The following KLKB1 variants were observed in gnomAD, a reference collection of about 807,000 sequenced individuals.
KLKB1 encodes the protein kallikrein B1.
A neutral mutation model predicts 73.6 loss-of-function variants in KLKB1; 58 were observed. That is an observed-to-expected ratio of 0.79 (90% CI 0.64 to 0.98). KLKB1 has a LOEUF of 0.98. Among genes scored for constraint, KLKB1 ranks in the 50% least tolerant of loss-of-function variants. The pLI is 0.00. For missense variants in KLKB1, 737 were observed against 763.8 expected (o/e 0.96, Z 0.41); for synonymous variants, 280 against 258.1 (o/e 1.08, Z -0.81).
Position 186,251,490 on chromosome 4 carries a change from C to A in KLKB1, c.872C>A (p.Pro291His). The A allele has an allele frequency of 6.2e-7, 1 of 1,613,416 alleles. No individual in the cohort carries two copies. Among genetic ancestry groups the A allele is most frequent in the South Asian group, 1.1e-5 (1 of 91,056 alleles). ...LLTCKRTLPE[P>H]CHSKIYPGVD... ...TTTGTGTTTATAATTGACACAGAAC[C>A]CTGCCATTCTAAAATTTACCCGGGA... is the stretch of plus-strand genomic sequence containing the variant. The change falls in exon 9 of 15, where the codon CCC (proline) becomes CAC (histidine). Residue 291 changes from proline (P) to histidine (H), a missense_variant. Pro to His is a moderately conservative substitution (Grantham distance 77). Coordinates refer to ENST00000264690, the MANE Select transcript of KLKB1 (RefSeq NM_000892.5).
At chr4:186,243,967 G>A (rs574706823) in intron 6 of KLKB1, among the ~76,000 whole-genome samples, 1 of 152,196 alleles carries the variant, frequency 6.6e-6, no homozygotes, top group Non-Finnish European at 1.5e-5. Context: ...TGGAGTGGAT[G>A]TCAGGTGGAT....
intron 2 of KLKB1, among the ~76,000 whole-genome samples, chr4:186,214,495 C>T (rs1371584133): frequency 6.6e-6 from 1 of 152,194 alleles, no homozygotes; most frequent in Non-Finnish European, 1.5e-5. Context: ...TGTATTGGAT[C>T]ATCAGCATAT....
At chr4:186,245,077 C>T (rs1738257939) in intron 6 of KLKB1, among the ~76,000 whole-genome samples, 2 of 152,026 alleles carry the variant, frequency 1.3e-5, no homozygotes, top group Non-Finnish European at 2.9e-5. Context: ...AGTTAAAATG[C>T]CTCGACCTAG....
At chr4:186,227,366 G>A (rs1737203073), upstream of KLKB1, 1 of 152,184 alleles carries the variant, frequency 6.6e-6, no homozygotes, top group Non-Finnish European at 1.5e-5. Context: ...TATTCTTGCT[G>A]ACATCACTCC....
chr4:186,254,141 A>T (rs1397733536), intron 11 of KLKB1, among the ~76,000 whole-genome samples: 1 of 152,178 alleles, frequency 6.6e-6, no homozygotes, highest in Non-Finnish European at 1.5e-5. Context: ...CTGTATAGAG[A>T]TATTTTAAAC....
chr4:186,250,119 A>T, intron 6 of KLKB1, 124 bp from the exon 7 acceptor site: 1 of 1,026,982 alleles, frequency 9.7e-7, no homozygotes, highest in Non-Finnish European at 1.5e-6. Flanking sequence ...ACATTTTTTC[A>T]CTTAGGATGT....
upstream of KLKB1, among the ~76,000 whole-genome samples, chr4:186,224,846 G>A (rs558196788): frequency 1.2e-3 from 178 of 152,322 alleles, 1 homozygote; most frequent in Non-Finnish European, 1.8e-3. Flanking sequence ...GTTTGGCTCT[G>A]TGTCCTCATC....
chr4:186,217,035 T>G (rs971123307), intron 2 of KLKB1, among the ~76,000 whole-genome samples: 9 of 152,232 alleles, frequency 5.9e-5, no homozygotes, highest in African/African-American at 2.2e-4. Context: ...GTGGGAGATT[T>G]GGGAGAATGT....
chr4:186,257,786 A>C (rs966222090), intron 14 of KLKB1, among the ~76,000 whole-genome samples: 1 of 141,114 alleles, frequency 7.1e-6, no homozygotes, highest in Non-Finnish European at 1.5e-5. Context: ...TGTGTCTGGC[A>C]AGCAAGGTCT....
chr4:186,220,363 C>A (rs1348490736), intron 2 of KLKB1, among the ~76,000 whole-genome samples: 1 of 152,194 alleles, frequency 6.6e-6, no homozygotes, highest in Non-Finnish European at 1.5e-5. Flanking sequence ...ACCGTTCTAT[C>A]AATACAGCTG....
At chr4:186,238,054 C>T (rs949165658) in intron 5 of KLKB1, among the ~76,000 whole-genome samples, 1 of 152,146 alleles carries the variant, frequency 6.6e-6, no homozygotes, top group African/African-American at 2.4e-5. Context: ...CACGGAGTCT[C>T]CTGCCTCATT....
upstream of KLKB1, chr4:186,227,441 A>G (rs781287327): frequency 6.6e-6 from 1 of 152,266 alleles, no homozygotes; most frequent in Non-Finnish European, 1.5e-5. Flanking sequence ...TGTTGACAGG[A>G]CAAAAAGTTG....
chr4:186,251,790 C>G lies in KLKB1; in HGVS notation c.1073C>G (p.Thr358Ser). ...FLRLSMDGSPTRIAYGTQGSS... is the reference protein window; with the variant it reads ...FLRLSMDGSPSRIAYGTQGSS... ...AGATTATCTATGGATGGTTCTCCAACTAGGATTGCGTATGGGACACAAGGG... is the reference window on the plus strand; with the variant it reads ...AGATTATCTATGGATGGTTCTCCAAGTAGGATTGCGTATGGGACACAAGGG... Residue 358 changes from threonine to serine, a missense_variant, in exon 10 of 15, where the codon ACT becomes AGT. Thr to Ser is a moderately conservative substitution (Grantham distance 58). Coordinates refer to ENST00000264690, the MANE Select transcript of KLKB1 (RefSeq NM_000892.5). The G allele has an allele frequency of 6.2e-7, 1 of 1,614,022 alleles. No homozygotes were observed. Among genetic ancestry groups the G allele is most frequent in the African/African-American group, 1.3e-5 (1 of 75,024 alleles).
At chr4:186,220,832 G>A (rs934704221) in intron 2 of KLKB1, among the ~76,000 whole-genome samples, 11 of 141,164 alleles carry the variant, frequency 7.8e-5, no homozygotes, top group South Asian at 6.7e-4. Flanking sequence ...CTCATTAAAT[G>A]AGATTGGAAG....
intron 10 of KLKB1, 59 bp from the exon 11 acceptor site, chr4:186,251,958 T>C (rs1300237677): frequency 6.2e-7 from 1 of 1,612,122 alleles, no homozygotes; most frequent in African/African-American, 1.3e-5. Context: ...TCTCCTTGGT[T>C]AGAAGGGACT....
chr4:186,230,240 T>C (rs1024351643), intron 2 of KLKB1, among the ~76,000 whole-genome samples: 1 of 152,236 alleles, frequency 6.6e-6, no homozygotes, highest in Admixed American at 6.5e-5. Flanking sequence ...GGTTATTTAA[T>C]TTTTCATTTT....
intron 2 of KLKB1, among the ~76,000 whole-genome samples, chr4:186,218,192 G>C (rs1178625166): frequency 7.2e-5 from 11 of 152,194 alleles, no homozygotes; most frequent in Non-Finnish European, 1.5e-5. Flanking sequence ...GTGGGAATAG[G>C]ACCTAAACAT....
In KLKB1 at chr4:186,258,246, C is replaced by G; in HGVS notation, c.*34C>G. 1 of 1,588,510 alleles carries G rather than the reference C, an allele frequency of 6.3e-7. No individual in the cohort carries two copies. The highest frequency in any genetic ancestry group is 1.3e-5 in the African/African-American group (1 of 74,506). On this transcript the variant is annotated 3_prime_UTR_variant, in exon 15 of 15. Transcript: ENST00000264690. ...CCAGAGTCTAGGCAATTTTTACAAC[C>G]TGAGTTCAAGTCAAATTCTGAGCCT...
intron 2 of KLKB1, among the ~76,000 whole-genome samples, chr4:186,228,552 A>G (rs548858523): frequency 9.6e-4 from 146 of 152,352 alleles, no homozygotes; most frequent in African/African-American, 3.4e-3. Context: ...TGAAACAAAA[A>G]AAAATTAGTC....
Sources: gnomAD v4.1 joint callset for allele counts (sites outside exome capture counted in the v4.1 genomes callset) on GRCh38, gnomAD v4.1.1 for gene constraint, MANE v1.5 for transcripts, NCBI Gene and HGNC (gene_info 2026-07-23, HGNC 2026-07-21) for gene names.